The following UBAC2 variants were observed in gnomAD, a reference collection of about 807,000 sequenced individuals.
UBAC2 encodes the protein ubiquitin-associated domain-containing protein 2.
In UBAC2, 26 loss-of-function variants were observed where a neutral mutation model predicts 44.0. The observed-to-expected ratio is 0.59, with a 90% CI of 0.43 to 0.82. UBAC2 has a LOEUF of 0.82. Ranked by LOEUF, UBAC2 falls within the 40% of genes least tolerant of loss-of-function variation. The probability of loss-of-function intolerance (pLI) is 0.00; values close to 1 mark genes in which losing one functional copy is unlikely to be tolerated. For missense variants in UBAC2, 329 were observed against 419.4 expected, an observed-to-expected ratio of 0.78 and a Z score of 1.88; for synonymous variants, 155 against 154.3, an observed-to-expected ratio of 1.00 and a Z score of -0.04.
At chr13:99,272,788 G>A (rs2043832859) in intron 4 of UBAC2, among the ~76,000 whole-genome samples, 1 of 152,106 alleles carries the variant, frequency 6.6e-6, no homozygotes, top group Admixed American at 6.5e-5. Context: ...CACCACATTG[G>A]GGGCTAGTGC....
chr13:99,354,117 A>G (rs1334165997), intron 7 of UBAC2, among the ~76,000 whole-genome samples: 1 of 152,268 alleles, frequency 6.6e-6, no homozygotes, highest in African/African-American at 2.4e-5. Context: ...ACCCCCCTTC[A>G]CTGCTCTGCA....
At chr13:99,307,882 C>T (rs1470772392) in intron 4 of UBAC2, 1 of 152,090 alleles carries the variant, frequency 6.6e-6, no homozygotes, top group Non-Finnish European at 1.5e-5. Context: ...GAGAAAGAAA[C>T]AGGTTTCTGT....
At chr13:99,350,665 G>A (rs2045070948) in intron 7 of UBAC2, among the ~76,000 whole-genome samples, 1 of 152,170 alleles carries the variant, frequency 6.6e-6, no homozygotes, top group Non-Finnish European at 1.5e-5. Flanking sequence ...CTAATAAATG[G>A]GTAGATGTCA....
chr13:99,254,837 A>G, intron 4 of UBAC2: 1 of 1,512,178 alleles, frequency 6.6e-7, no homozygotes. Context: ...TAGTTAGTGA[A>G]GTGAATTTTG....
chr13:99,354,876 A>C (rs2045153264), intron 7 of UBAC2, among the ~76,000 whole-genome samples: 1 of 152,144 alleles, frequency 6.6e-6, no homozygotes, highest in Non-Finnish European at 1.5e-5. Context: ...GTGCAACAGC[A>C]AGGACCTAAA....
At chr13:99,209,430 C>T (rs2042913384) in intron 1 of UBAC2, among the ~76,000 whole-genome samples, 1 of 152,090 alleles carries the variant, frequency 6.6e-6, no homozygotes. Context: ...TGGCAGCAGC[C>T]CTTCTCTTTT....
chr13:99,238,770 A>G (rs1032279672), intron 2 of UBAC2, among the ~76,000 whole-genome samples: 4 of 152,184 alleles, frequency 2.6e-5, no homozygotes, highest in Non-Finnish European at 4.4e-5. Context: ...TATTAGGCAC[A>G]TTTGTTTTCA....
intron 4 of UBAC2, among the ~76,000 whole-genome samples, chr13:99,278,358 CCTGT>C (rs1187951688): frequency 4.6e-5 from 7 of 152,162 alleles, no homozygotes; most frequent in African/African-American, 1.7e-4. Context: ...GAAGGGATTG[CCTGT>C]CTGGAGGTGA....
intron 4 of UBAC2, among the ~76,000 whole-genome samples, chr13:99,285,070 A>G (rs1460892124): frequency 1.3e-5 from 2 of 152,162 alleles, no homozygotes; most frequent in African/African-American, 4.8e-5. Context: ...CATATTTCAT[A>G]TTTCAGAAAG....
chr13:99,342,081 T>C (rs1484647199), intron 7 of UBAC2, among the ~76,000 whole-genome samples: 1 of 152,182 alleles, frequency 6.6e-6, no homozygotes, highest in Non-Finnish European at 1.5e-5. Flanking sequence ...CCAGGAAGAT[T>C]TTTATACAAA....
rs866220920 is a variant in UBAC2 at position 99,289,913 on chromosome 13, C to T, written c.390-24184C>T. On this transcript the variant is annotated intron_variant, in intron 4 of 8. Transcript: ENST00000403766. ...TGACACACGCGTCTTTTGCCCCCAACCCATTGGTCAGAGGTAGTCACCTGC... is the reference window on the plus strand; with the variant it reads ...TGACACACGCGTCTTTTGCCCCCAATCCATTGGTCAGAGGTAGTCACCTGC... Among the ~76,000 whole-genome samples the T allele has an allele frequency of 4.9e-4, 74 of 152,324 alleles. No individual in the cohort carries two copies. The Middle Eastern group carries it at 0.014, about 28-fold the overall frequency.
rs1450149468 is a variant in UBAC2, at chr13:99,385,521, T to TA, written c.*186_*187insA. 1.4e-4 allele frequency: 80 copies of TA among 555,172 alleles called. No individual in the cohort carries two copies. Among genetic ancestry groups the TA allele is most frequent in the Non-Finnish European group, 2.0e-4 (63 of 309,182 alleles). 34.4% of individuals were successfully genotyped at this position (555,172 alleles called of 1,614,324 possible). On this transcript the variant is annotated 3_prime_UTR_variant, in exon 9 of 9. Coordinates refer to ENST00000403766, the MANE Select transcript of UBAC2 (RefSeq NM_001144072.2). ...TTTTAGTGTGGAGATAAGTTTGCCA[T>TA]TACATTAGCATGTATTTTCTATCTA...
In UBAC2 at chr13:99,354,248, G is replaced by A. The variant is rs957174161; in HGVS notation, c.808-13539G>A. Among the ~76,000 whole-genome samples, 6 of 152,360 alleles carry A rather than the reference G, an allele frequency of 3.9e-5. 1 individual carries two copies. The East Asian group carries it at 9.6e-4, about 24-fold the overall frequency. ...GTGACATTCATGAGCAGTGTGAGCC[G>A]GGTGACATGGGGGTGTCAACCCAGC... On this transcript the variant is annotated intron_variant, in intron 7 of 8. Transcript: ENST00000403766.
chr13:99,253,083 T>C (rs1440924008), intron 4 of UBAC2, among the ~76,000 whole-genome samples: 2 of 150,282 alleles, frequency 1.3e-5, no homozygotes, highest in South Asian at 4.2e-4. Context: ...ATGTAAGATA[T>C]ACAAATAATA....
intron 4 of UBAC2, among the ~76,000 whole-genome samples, chr13:99,253,618 A>G (rs1011908964): frequency 6.6e-6 from 1 of 152,042 alleles, no homozygotes. Flanking sequence ...GGTTCAAGCT[A>G]TTCTCCTGCC....
chr13:99,355,144 C>T (rs1465365067), intron 7 of UBAC2, among the ~76,000 whole-genome samples: 2 of 152,176 alleles, frequency 1.3e-5, no homozygotes, highest in Non-Finnish European at 2.9e-5. Flanking sequence ...GGAGTTTCAC[C>T]TCTGTTTCTG....
chr13:99,227,138 C>G (rs775880912), intron 1 of UBAC2, among the ~76,000 whole-genome samples: 7 of 150,898 alleles, frequency 4.6e-5, no homozygotes, highest in Non-Finnish European at 1.0e-4. Context: ...GCAGAGGTTG[C>G]AATGAGCCGA....
intron 6 of UBAC2, among the ~76,000 whole-genome samples, chr13:99,318,682 G>A (rs1381672294): frequency 6.6e-6 from 1 of 151,386 alleles, no homozygotes. Context: ...TTTGCTGGGC[G>A]TGGTGGCAGG....
intron 7 of UBAC2, among the ~76,000 whole-genome samples, chr13:99,344,286 G>C (rs185851739): frequency 3.2e-4 from 49 of 152,274 alleles, no homozygotes; most frequent in South Asian, 6.2e-4. Context: ...CTCTGTTTCT[G>C]ATCCCTAACT....
Sources: allele counts gnomAD v4.1 joint callset (sites outside exome capture counted in the v4.1 genomes callset), GRCh38; gene constraint gnomAD v4.1.1; transcripts MANE v1.5; gene names NCBI Gene and HGNC (gene_info 2026-07-23, HGNC 2026-07-21).